CFTR: variants seen among roughly 807,000 people sequenced by gnomAD.
CFTR encodes CF transmembrane conductance regulator.
Under a neutral mutation model 171.6 loss-of-function variants are expected in CFTR, and 181 were observed. That is an observed-to-expected ratio of 1.05 (90% CI 0.93 to 1.19). The LOEUF is 1.19. CFTR is among the 50% of genes most tolerant of loss of function. CFTR has a pLI of 0.00. For synonymous variants in CFTR, 583 were observed against 608.0 expected, an observed-to-expected ratio of 0.96 and a Z score of 0.60; for missense variants, 1,968 against 1,734.7, an observed-to-expected ratio of 1.13 and a Z score of -2.39.
intron 11 of CFTR, among the ~76,000 whole-genome samples, chr7:117,585,013 G>T (rs1015670914): frequency 1.3e-5 from 2 of 151,586 alleles, no homozygotes; most frequent in Admixed American, 6.6e-5. Flanking sequence ...CTTGGTTGTT[G>T]TCAGCAGGGA....
At chr7:117,580,188 C>A (rs531860983) in intron 11 of CFTR, among the ~76,000 whole-genome samples, 12 of 151,978 alleles carry the variant, frequency 7.9e-5, no homozygotes, top group African/African-American at 2.4e-4. Flanking sequence ...TTAACATATG[C>A]AGCAAAAAAG....
chr7:117,596,364 C>A (rs1022979982), intron 15 of CFTR, among the ~76,000 whole-genome samples: 36 of 152,336 alleles, frequency 2.4e-4, no homozygotes, highest in African/African-American at 8.4e-4. Context: ...GGACCTGCAG[C>A]CTGCCATGCC....
At chr7:117,523,884 G>A (rs1281834617) in intron 3 of CFTR, among the ~76,000 whole-genome samples, 1 of 152,176 alleles carries the variant, frequency 6.6e-6, no homozygotes, top group Non-Finnish European at 1.5e-5. Context: ...TCTTATACAA[G>A]TCTTTACACT....
At chr7:117,563,689 C>T (rs969976669) in intron 11 of CFTR, among the ~76,000 whole-genome samples, 6 of 152,136 alleles carry the variant, frequency 3.9e-5, no homozygotes, top group South Asian at 2.1e-4. Context: ...TAACAAAGTA[C>T]TAGTGGAGGA....
chr7:117,627,769 G>A lies in CFTR; in HGVS notation c.3716G>A (p.Arg1239Lys). 1 of 1,610,458 alleles carries A rather than the reference G, an allele frequency of 6.2e-7. No homozygotes were observed. Among genetic ancestry groups the A allele is most frequent in the Non-Finnish European group, 8.5e-7 (1 of 1,179,312 alleles). ...NISFSISPGQ[R>K]VGLLGRTGSG... The stretch of plus-strand genomic sequence containing the variant: ...TCCTTCTCAATAAGTCCTGGCCAGA[G>A]GGTGAGATTTGAACACTGCTTGCTT... The change falls in exon 22 of 27, where the codon AGG (arginine) becomes AAG (lysine). Residue 1239 changes from arginine (R) to lysine (K), a missense_variant and splice_region_variant. Arg to Lys is a conservative substitution (Grantham distance 26). Coordinates refer to ENST00000003084, the MANE Select transcript of CFTR (RefSeq NM_000492.4).
At chr7:117,574,387 C>T (rs1012992766) in intron 11 of CFTR, among the ~76,000 whole-genome samples, 7 of 152,028 alleles carry the variant, frequency 4.6e-5, no homozygotes, top group Admixed American at 2.6e-4. Flanking sequence ...ATTCCAGATT[C>T]AGCAGCTTCA....
Position 117,667,552 on chromosome 7 carries a change from G to T in CFTR, c.*444G>T, listed in dbSNP as rs1354492648. The T allele has an allele frequency of 1.1e-5, 3 of 282,350 alleles. No homozygotes were observed. The highest frequency in any genetic ancestry group is 2.1e-5 in the Non-Finnish European group (3 of 145,354). 17.5% of individuals were successfully genotyped at this position (282,350 alleles called of 1,614,324 possible). A position where few individuals can be genotyped will look rare whatever the true frequency, so the allele number is the denominator to read the frequency against. Reference sequence around the variant, plus strand: ...GTAATGATAACTGGAAACTTCAGCGGTTTATATAAGCTTGTATTCCTTTTT... The same window carrying T: ...GTAATGATAACTGGAAACTTCAGCGTTTTATATAAGCTTGTATTCCTTTTT... On this transcript the variant is annotated 3_prime_UTR_variant, in exon 27 of 27. Transcript: ENST00000003084.
At chr7:117,549,164 C>A (rs1197266168) in intron 10 of CFTR, among the ~76,000 whole-genome samples, 1 of 152,198 alleles carries the variant, frequency 6.6e-6, no homozygotes, top group African/African-American at 2.4e-5. Context: ...TTTTTCAGAG[C>A]TGGTCCAGGA....
In CFTR at chr7:117,611,640, G is replaced by A. The variant is rs121909020; in HGVS notation, c.3199G>A (p.Ala1067Thr). The A allele has an allele frequency of 1.3e-5, 21 of 1,613,442 alleles. No individual in the cohort carries two copies. Among genetic ancestry groups the A allele is most frequent in the Non-Finnish European group, 1.8e-5 (21 of 1,179,732 alleles). The change falls in exon 20 of 27, where the codon GCC (alanine) becomes ACC (threonine). Residue 1067 changes from alanine (A) to threonine (T), a missense_variant. Physicochemically the swap from Ala to Thr is moderately conservative, Grantham distance 58. Coordinates refer to ENST00000003084, the MANE Select transcript of CFTR (RefSeq NM_000492.4). Reference sequence around the variant, plus strand: ...CTTAAAAGGACTATGGACACTTCGTGCCTTCGGACGGCAGCCTTACTTTGA... The same window carrying A: ...CTTAAAAGGACTATGGACACTTCGTACCTTCGGACGGCAGCCTTACTTTGA... ...TSLKGLWTLR[A>T]FGRQPYFETL...
chr7:117,587,884 T>C (rs761181247), intron 12 of CFTR, 51 bp downstream of exon 12: 3 of 1,133,808 alleles, frequency 2.6e-6, no homozygotes, highest in Admixed American at 3.4e-5. Context: ...ATGTCATTCA[T>C]GTAAAAAAAT....
chr7:117,589,914 AG>A (rs1053282279), intron 12 of CFTR, among the ~76,000 whole-genome samples: 1 of 152,048 alleles, frequency 6.6e-6, no homozygotes, highest in Non-Finnish European at 1.5e-5. Flanking sequence ...AACATCTTCA[AG>A]GGCAGGAACT....
intron 12 of CFTR, among the ~76,000 whole-genome samples, chr7:117,588,366 C>G (rs1196325317): frequency 2.0e-5 from 3 of 152,080 alleles, no homozygotes; most frequent in African/African-American, 4.8e-5. Context: ...AGTAGAAACA[C>G]TCTTGGTCCA....
At chr7:117,501,658 A>C (rs1026236104) in intron 1 of CFTR, among the ~76,000 whole-genome samples, 10 of 148,298 alleles carry the variant, frequency 6.7e-5, no homozygotes, top group African/African-American at 9.9e-5. Flanking sequence ...GAGGCAGGAG[A>C]ATTGCTTGAA....
intron 20 of CFTR, among the ~76,000 whole-genome samples, chr7:117,612,019 A>ATATATG (rs1366289550): frequency 2.2e-4 from 10 of 44,938 alleles, no homozygotes; most frequent in East Asian, 1.6e-3. Flanking sequence ...ATATATATAT[A>ATATATG]TATGTATATA....
chr7:117,585,679 T>C (rs1228621925), intron 11 of CFTR, among the ~76,000 whole-genome samples: 1 of 152,214 alleles, frequency 6.6e-6, no homozygotes, highest in Non-Finnish European at 1.5e-5. Flanking sequence ...TCTTGCTCTG[T>C]CATCCAGGCT....
chr7:117,515,051 A>G (rs1798577663), intron 3 of CFTR, among the ~76,000 whole-genome samples: 2 of 151,872 alleles, frequency 1.3e-5, no homozygotes, highest in South Asian at 4.2e-4. Context: ...TGGAAATTAG[A>G]TCTTTGTCAG....
Position 117,501,712 on chromosome 7 carries a change from G to A in CFTR, c.54-2541G>A, listed in dbSNP as rs556121551. ...TGGTGAGCTGAGATTGCGCCATTGCGCTCCAGCCTGGGCAACAAGAGTGAA... is the reference window on the plus strand; with the variant it reads ...TGGTGAGCTGAGATTGCGCCATTGCACTCCAGCCTGGGCAACAAGAGTGAA... On this transcript the variant is annotated intron_variant, in intron 1 of 26. Coordinates refer to ENST00000003084, the MANE Select transcript of CFTR (RefSeq NM_000492.4). Among the ~76,000 whole-genome samples the A allele has an allele frequency of 1.8e-3, 226 of 123,516 alleles. 1 individual carries two copies. Among genetic ancestry groups the A allele is most frequent in the African/African-American group, 6.9e-3 (222 of 32,082 alleles). The allele number at this position is 123,516 out of a possible 152,430, so 81.0% of individuals were successfully genotyped here.
chr7:117,642,656 A>G (rs1792939149), intron 23 of CFTR, 63 bp downstream of exon 23: 1 of 1,522,690 alleles, frequency 6.6e-7, no homozygotes, highest in Non-Finnish European at 9.0e-7. Context: ...GCTATTTGAT[A>G]CTTGTACTCA....
At chr7:117,583,909 A>G (rs1196281093) in intron 11 of CFTR, among the ~76,000 whole-genome samples, 2 of 151,982 alleles carry the variant, frequency 1.3e-5, no homozygotes, top group Non-Finnish European at 2.9e-5. Flanking sequence ...TTTAATTTGC[A>G]TTTCCCTGAT....
Sources: gnomAD v4.1 joint callset for allele counts (sites outside exome capture counted in the v4.1 genomes callset) on GRCh38, gnomAD v4.1.1 for gene constraint, MANE v1.5 for transcripts, NCBI Gene and HGNC (gene_info 2026-07-23, HGNC 2026-07-21) for gene names.